CWH43: variants seen among roughly 807,000 people sequenced by gnomAD.
The protein encoded by CWH43 is PGAP2-interacting protein.
In CWH43, 91 loss-of-function variants were observed where a neutral mutation model predicts 85.7. The observed-to-expected ratio is 1.06, with a 90% CI of 0.90 to 1.26. The LOEUF (loss-of-function observed/expected upper bound fraction) is 1.26. CWH43 is among the 50% of genes most tolerant of loss of function. The pLI, the probability that CWH43 is intolerant of heterozygous loss-of-function variation, is 0.00. For missense variants in CWH43, 869 were observed against 839.2 expected (o/e 1.04, Z -0.44); for synonymous variants, 323 against 293.6 (o/e 1.10, Z -1.02).
intron 8 of CWH43, among the ~76,000 whole-genome samples, chr4:49,013,555 A>G (rs1040055081): frequency 6.6e-5 from 10 of 152,208 alleles, no homozygotes; most frequent in African/African-American, 2.4e-4. Context: ...GAAATGCAGA[A>G]ATCGCCTGTC....
intron 1 of CWH43, chr4:48,986,887 C>A: frequency 1.1e-6 from 1 of 885,210 alleles, no homozygotes; most frequent in Non-Finnish European, 1.4e-6. Flanking sequence ...CCGTTTTCCC[C>A]AGGAGCTGTA....
intron 2 of CWH43, among the ~76,000 whole-genome samples, chr4:48,989,028 G>C (rs1429868554): frequency 6.6e-6 from 1 of 152,130 alleles, no homozygotes. Context: ...CAAGAAATGT[G>C]AAAATTATGA....
chr4:49,030,641 C>T (rs1459915852), intron 10 of CWH43, among the ~76,000 whole-genome samples, 184 bp from the exon 11 acceptor site: 1 of 152,072 alleles, frequency 6.6e-6, no homozygotes, highest in Non-Finnish European at 1.5e-5. Context: ...GCATTCTAAA[C>T]GTGGGGAAAT....
At chr4:49,002,315 A>T (rs767145529) in intron 6 of CWH43, among the ~76,000 whole-genome samples, 2 of 152,170 alleles carry the variant, frequency 1.3e-5, no homozygotes, top group Admixed American at 1.3e-4. Context: ...GCAATAGGAA[A>T]ATGCTTACTT....
chr4:49,012,195 C>G (rs776012436), intron 8 of CWH43, among the ~76,000 whole-genome samples: 2 of 152,142 alleles, frequency 1.3e-5, no homozygotes, highest in Non-Finnish European at 2.9e-5. Context: ...TTTCTCTAAA[C>G]TTGTCTTCTG....
In CWH43 at chr4:49,028,700, T is replaced by A; in HGVS notation, c.1338T>A (p.Ser446Arg). 4 of 1,613,464 alleles carry A rather than the reference T, an allele frequency of 2.5e-6. No individual in the cohort carries two copies. Among genetic ancestry groups the A allele is most frequent in the Non-Finnish European group, 2.5e-6 (3 of 1,179,476 alleles). ...RFGYDNEGWS[S>R]LERSAHLLNE... Reference sequence around the variant, plus strand: ...GATATGACAATGAAGGGTGGTCTAGTCTAGAAAGATCAGCTCACCTGCTCA... The same window carrying A: ...GATATGACAATGAAGGGTGGTCTAGACTAGAAAGATCAGCTCACCTGCTCA... The change falls in exon 10 of 16, where the codon AGT (serine) becomes AGA (arginine). Residue 446 changes from serine (S) to arginine (R), a missense_variant. Around this residue, in one of 3 missense-constraint regions of CWH43, gnomAD observed 577 missense variants for 513.1 expected, o/e 1.12. Transcript: ENST00000226432.
chr4:49,008,868 G>T (rs1363059308), intron 8 of CWH43, among the ~76,000 whole-genome samples: 1 of 152,114 alleles, frequency 6.6e-6, no homozygotes, highest in East Asian at 1.9e-4. Context: ...TGCTGTTTTG[G>T]TTACTGTAGA....
Position 48,992,747 on chromosome 4 carries a change from G to A in CWH43, c.511+657G>A, listed in dbSNP as rs1782696810. Reference sequence around the variant, plus strand: ...AGTTAACGTGCTCCTAGCTTTTTGTGTAACTCTCAGTGAGTCACTGTTCTT... The same window carrying A: ...AGTTAACGTGCTCCTAGCTTTTTGTATAACTCTCAGTGAGTCACTGTTCTT... On this transcript the variant is annotated intron_variant, in intron 4 of 15. Transcript: ENST00000226432. The surrounding 1 kb of genome is among the most constrained non-coding windows in gnomAD (Gnocchi z 4.3). 6.6e-6 allele frequency among the ~76,000 whole-genome samples: 1 copy of A among 152,114 alleles called. No homozygotes were observed. Among genetic ancestry groups the A allele is most frequent in the Admixed American group, 6.5e-5 (1 of 15,274 alleles).
intron 15 of CWH43, among the ~76,000 whole-genome samples, chr4:49,059,722 T>C (rs1430137030): frequency 6.6e-6 from 1 of 152,186 alleles, no homozygotes. Context: ...GTGGATAGGC[T>C]TTGTGCCTGG....
At chr4:49,017,046 G>A in intron 8 of CWH43, 1 of 741,976 alleles carries the variant, frequency 1.3e-6, no homozygotes, top group Non-Finnish European at 2.5e-6. Flanking sequence ...AACCACCTCA[G>A]CGTCGGCTGG....
chr4:49,040,200 A>G (rs565112339), intron 13 of CWH43, among the ~76,000 whole-genome samples: 1 of 152,326 alleles, frequency 6.6e-6, no homozygotes, highest in African/African-American at 2.4e-5. Flanking sequence ...GTGCCGCAAT[A>G]AACATACGTG....
Position 48,994,816 on chromosome 4 carries a change from T to C in CWH43, c.709T>C (p.Phe237Leu). 1 of 1,613,376 alleles carries C rather than the reference T, an allele frequency of 6.2e-7. No homozygotes were observed. Among genetic ancestry groups the C allele is most frequent in the Non-Finnish European group, 8.5e-7 (1 of 1,179,840 alleles). Residue 237 changes from phenylalanine to leucine, a missense_variant, in exon 5 of 16, where the codon TTT (phenylalanine) becomes CTT (leucine). Transcript: ENST00000226432. ...ACATCCAGGGCCAGATCCTAACCCA[T>C]TTGGGTGAGTTTGGGTTTGGAAGCA... is the stretch of plus-strand genomic sequence containing the variant. ...HPHPGPDPNP[F>L]GGAVLLCLAS... is the part of the protein sequence containing the mutation.
intron 9 of CWH43, among the ~76,000 whole-genome samples, chr4:49,026,370 T>A (rs1783916608): frequency 6.6e-6 from 1 of 152,212 alleles, no homozygotes; most frequent in Non-Finnish European, 1.5e-5. Flanking sequence ...GGTCTGTGGA[T>A]TCCCTTGGCT....
intron 11 of CWH43, among the ~76,000 whole-genome samples, 167 bp from the exon 12 acceptor site, chr4:49,032,399 G>A (rs1784124982): frequency 6.6e-6 from 1 of 152,164 alleles, no homozygotes; most frequent in South Asian, 2.1e-4. Flanking sequence ...CAGATGAAAT[G>A]ATCTGACAAA....
chr4:49,038,863 C>G (rs1484453252), intron 13 of CWH43, among the ~76,000 whole-genome samples: 1 of 151,384 alleles, frequency 6.6e-6, no homozygotes, highest in African/African-American at 2.4e-5. Context: ...TCGAGACCAT[C>G]CTGGTTAACA....
At chr4:49,009,131 T>C (rs1433996208) in intron 8 of CWH43, among the ~76,000 whole-genome samples, 1 of 152,208 alleles carries the variant, frequency 6.6e-6, no homozygotes, top group Non-Finnish European at 1.5e-5. Context: ...TCCATTTGTT[T>C]GTGTCCTCTT....
intron 12 of CWH43, among the ~76,000 whole-genome samples, chr4:49,036,268 C>T (rs768823103): frequency 2.0e-5 from 3 of 152,168 alleles, no homozygotes; most frequent in Non-Finnish European, 2.9e-5. Context: ...GAGATGAAAT[C>T]TGCAGGGGTC....
intron 12 of CWH43, among the ~76,000 whole-genome samples, chr4:49,036,087 C>T (rs1270433224): frequency 6.6e-6 from 1 of 152,130 alleles, no homozygotes; most frequent in Non-Finnish European, 1.5e-5. Context: ...GTTCCCAGAG[C>T]CCAGTGAGAC....
At chr4:49,048,996 C>T (rs574982383) in intron 14 of CWH43, among the ~76,000 whole-genome samples, 1 of 152,134 alleles carries the variant, frequency 6.6e-6, no homozygotes, top group African/African-American at 2.4e-5. Flanking sequence ...AATGGGAGAT[C>T]CTCTGTTTTA....
Sources: gnomAD v4.1 joint callset for allele counts (sites outside exome capture counted in the v4.1 genomes callset) on GRCh38, gnomAD v4.1.1 for gene constraint, gnomAD v4.1.1 regional missense constraint, Gnocchi (gnomAD v3.1) non-coding constraint, MANE v1.5 for transcripts, NCBI Gene and HGNC (gene_info 2026-07-23, HGNC 2026-07-21) for gene names.